SLCO5A1: variants seen among roughly 807,000 people sequenced by gnomAD.
SLCO5A1 encodes organic anion transporter polypeptide-related protein 4.
In SLCO5A1, 39 loss-of-function variants were observed where a neutral mutation model predicts 65.1. That is an observed-to-expected ratio of 0.60 (90% CI 0.46 to 0.78). SLCO5A1 has a LOEUF of 0.78. Ranked by LOEUF, SLCO5A1 falls within the 30% of genes least tolerant of loss-of-function variation. The pLI, the probability that SLCO5A1 is intolerant of heterozygous loss-of-function variation, is 0.00. For synonymous variants in SLCO5A1, 438 were observed against 415.7 expected (o/e 1.05, Z -0.65); for missense variants, 1,029 against 1,069.4 (o/e 0.96, Z 0.53).
rs138903528 is a variant in SLCO5A1, at chr8:69,731,107, C to T, written c.1423+6933G>A. ...CTGCCTCCCAGGTTCAAGTGATTCT[C>T]ATGCCTCTCAGCCTCCCAAGTAGCT... On this transcript the variant is annotated intron_variant, in intron 5 of 9. Coordinates refer to ENST00000260126, the MANE Select transcript of SLCO5A1 (RefSeq NM_030958.3). 4.6e-3 allele frequency among the ~76,000 whole-genome samples: 695 copies of T among 152,158 alleles called. 1 individual carries two copies. Among genetic ancestry groups the T allele is most frequent in the Non-Finnish European group, 7.0e-3 (476 of 68,000 alleles).
rs185732528 is a variant in SLCO5A1 at position 69,768,645 on chromosome 8, C to T, written c.908-6770G>A. On this transcript the variant is annotated intron_variant, in intron 2 of 9. Transcript: ENST00000260126. ...CGTCCTCACCTGGCCTCTCTCTACA[C>T]GAGCAGGAAGAGAGCGTTCCGGTGT... is the stretch of plus-strand genomic sequence containing the variant. Among the ~76,000 whole-genome samples the T allele has an allele frequency of 3.9e-5, 6 of 152,254 alleles. No individual in the cohort carries two copies. The East Asian group carries it at 5.8e-4, about 15-fold the overall frequency.
chr8:69,676,350 T>G (rs1221733160), intron 9 of SLCO5A1, among the ~76,000 whole-genome samples: 1 of 152,168 alleles, frequency 6.6e-6, no homozygotes, highest in East Asian at 1.9e-4. Context: ...TGTGCAAAAT[T>G]CTGGGGAATT....
At chr8:69,717,464 C>G (rs1285894203) in intron 5 of SLCO5A1, among the ~76,000 whole-genome samples, 1 of 152,138 alleles carries the variant, frequency 6.6e-6, no homozygotes. Flanking sequence ...TTTTTGTCTG[C>G]TTTAATCCCA....
chr8:69,811,761 C>T (rs1820212873), intron 2 of SLCO5A1, among the ~76,000 whole-genome samples: 1 of 152,202 alleles, frequency 6.6e-6, no homozygotes, highest in Non-Finnish European at 1.5e-5. Flanking sequence ...AGTGTTTAAC[C>T]ATGTGCCAGG....
intron 2 of SLCO5A1, among the ~76,000 whole-genome samples, chr8:69,810,301 G>A (rs1398447158): frequency 2.0e-5 from 3 of 152,206 alleles, no homozygotes; most frequent in Non-Finnish European, 2.9e-5. Context: ...GTCCCAGGCA[G>A]TGGGCATAAG....
intron 4 of SLCO5A1, among the ~76,000 whole-genome samples, chr8:69,745,556 A>G (rs1371829162): frequency 6.6e-6 from 1 of 152,218 alleles, no homozygotes; most frequent in African/African-American, 2.4e-5. Flanking sequence ...GGTATAAATT[A>G]TGAGTATTAA....
chr8:69,807,797 G>A (rs1304572679), intron 2 of SLCO5A1, among the ~76,000 whole-genome samples: 1 of 152,120 alleles, frequency 6.6e-6, no homozygotes, highest in Non-Finnish European at 1.5e-5. Context: ...TCTGCCTCCC[G>A]GGTTCATGCC....
chr8:69,825,656 C>A (rs1820852272), intron 2 of SLCO5A1, among the ~76,000 whole-genome samples: 1 of 152,246 alleles, frequency 6.6e-6, no homozygotes, highest in African/African-American at 2.4e-5. Flanking sequence ...AAGAACGTTC[C>A]ATGCTCATGG....
At chr8:69,811,946 C>T (rs1401534527) in intron 2 of SLCO5A1, among the ~76,000 whole-genome samples, 1 of 152,182 alleles carries the variant, frequency 6.6e-6, no homozygotes, top group African/African-American at 2.4e-5. Context: ...TCTTAACAAA[C>T]AACTACTTCG....
chr8:69,673,060 G>T lies in SLCO5A1; in HGVS notation c.2356C>A (p.His786Asn), dbSNP rs755889350. ...PLSTVSERVG[H>N]PDNARTRSCP... ...GATCTAGTCCGGGCATTGTCGGGGTGTCCCACTCTCTCACTCACGGTGCTC... is the reference window on the plus strand; with the variant it reads ...GATCTAGTCCGGGCATTGTCGGGGTTTCCCACTCTCTCACTCACGGTGCTC... The change falls in exon 10 of 10, where the codon CAC becomes AAC. Residue 786 changes from histidine (H) to asparagine (N), a missense_variant. Physicochemically the swap from His to Asn is moderately conservative, Grantham distance 68 (BLOSUM62 1). Transcript: ENST00000260126. 18 of 1,614,220 alleles carry T rather than the reference G, an allele frequency of 1.1e-5. No individual in the cohort carries two copies. Among genetic ancestry groups the T allele is most frequent in the Admixed American group, 3.3e-5 (2 of 60,026 alleles).
intron 2 of SLCO5A1, among the ~76,000 whole-genome samples, chr8:69,827,973 G>A (rs1293706275): frequency 6.6e-6 from 1 of 152,174 alleles, no homozygotes; most frequent in Non-Finnish European, 1.5e-5. Flanking sequence ...TTGGTTCTCA[G>A]GGCTTCTTGC....
intron 6 of SLCO5A1, among the ~76,000 whole-genome samples, chr8:69,704,089 T>TC (rs1233395433): frequency 6.7e-6 from 1 of 148,610 alleles, no homozygotes; most frequent in Non-Finnish European, 1.5e-5. Context: ...TTTGTATAAA[T>TC]GGGTTACCAC....
At chr8:69,755,758 T>G in intron 3 of SLCO5A1, 117 bp from the exon 4 acceptor site, 1 of 793,758 alleles carries the variant, frequency 1.3e-6, no homozygotes, top group Non-Finnish European at 2.0e-6. Flanking sequence ...TGTAATCAAC[T>G]GTAAAGCAGT....
At chr8:69,708,253 T>A (rs1248523027) in intron 5 of SLCO5A1, among the ~76,000 whole-genome samples, 1 of 152,226 alleles carries the variant, frequency 6.6e-6, no homozygotes, top group African/African-American at 2.4e-5. Flanking sequence ...TGTAGCCATG[T>A]AATCATGCAG....
rs570339584 is a variant in SLCO5A1, at chr8:69,680,440, C to G, written c.1783-821G>C. 1.8e-3 allele frequency among the ~76,000 whole-genome samples: 268 copies of G among 152,318 alleles called. 1 individual carries two copies. The highest frequency in any genetic ancestry group is 5.6e-3 in the African/African-American group (232 of 41,574). ...TTAGGATAATGGCCTCCAGCTGCAT[C>G]CATGTTGCTGCCAAGGTCATGATTT... On this transcript the variant is annotated intron_variant, in intron 7 of 9. Coordinates refer to ENST00000260126, the MANE Select transcript of SLCO5A1 (RefSeq NM_030958.3).
intron 2 of SLCO5A1, among the ~76,000 whole-genome samples, chr8:69,804,529 T>A (rs1419635009): frequency 6.6e-6 from 1 of 152,164 alleles, no homozygotes; most frequent in Non-Finnish European, 1.5e-5. Flanking sequence ...TTGCCCAGGC[T>A]GTTCTCAAAC....
intron 2 of SLCO5A1, among the ~76,000 whole-genome samples, chr8:69,829,305 C>A (rs1486165500): frequency 6.6e-6 from 1 of 152,098 alleles, no homozygotes; most frequent in African/African-American, 2.4e-5. Context: ...TAAGTCACAC[C>A]ATGAGGAAAT....
intron 6 of SLCO5A1, among the ~76,000 whole-genome samples, chr8:69,688,722 T>A (rs1292084716): frequency 2.0e-5 from 3 of 152,218 alleles, no homozygotes; most frequent in Non-Finnish European, 4.4e-5. Flanking sequence ...CACATTTTCT[T>A]AATCCAGTCT....
chr8:69,767,515 T>G (rs1440864127), intron 2 of SLCO5A1, among the ~76,000 whole-genome samples: 1 of 152,164 alleles, frequency 6.6e-6, no homozygotes, highest in Non-Finnish European at 1.5e-5. Context: ...GATAGAAATA[T>G]TTACTCACAG....
Sources: gnomAD v4.1 joint callset for allele counts (sites outside exome capture counted in the v4.1 genomes callset) on GRCh38, gnomAD v4.1.1 for gene constraint, MANE v1.5 for transcripts, NCBI Gene and HGNC (gene_info 2026-07-23, HGNC 2026-07-21) for gene names.